The following HK1 variants were observed in gnomAD, a reference collection of about 807,000 sequenced individuals.
HK1 encodes the protein hexokinase-1.
A neutral mutation model predicts 91.6 loss-of-function variants in HK1; 28 were observed. The observed-to-expected ratio is 0.31, with a 90% CI of 0.23 to 0.42. The LOEUF (loss-of-function observed/expected upper bound fraction) is 0.42. HK1 is among the 10% of genes least tolerant of loss of function. HK1 has a pLI of 1.00. For missense variants in HK1, 770 were observed against 1,219.8 expected, an observed-to-expected ratio of 0.63 and a Z score of 5.49; for synonymous variants, 430 against 468.1, an observed-to-expected ratio of 0.92 and a Z score of 1.05.
intron 8 of HK1, among the ~76,000 whole-genome samples, chr10:69,378,513 A>G (rs10823355): frequency 6.6e-6 from 1 of 152,152 alleles, no homozygotes; most frequent in East Asian, 1.9e-4. Context: ...TGAAACTGTC[A>G]TTATTTGCAA....
chr10:69,320,061 T>G (rs1199411654), intron 1 of HK1, among the ~76,000 whole-genome samples: 1 of 152,194 alleles, frequency 6.6e-6, no homozygotes, highest in African/African-American at 2.4e-5. Flanking sequence ...CTTGATTTTC[T>G]GCCCGGCAAG....
In HK1 at chr10:69,298,612, T is replaced by C. The variant is rs1021895481; in HGVS notation, c.-66-2157T>C. Among the ~76,000 whole-genome samples, 4 of 145,948 alleles carry C rather than the reference T, an allele frequency of 2.7e-5. 1 individual carries two copies. Among genetic ancestry groups the C allele is most frequent in the African/African-American group, 1.0e-4 (4 of 38,510 alleles). The stretch of plus-strand genomic sequence containing the variant: ...CCCTGCACCCCAGCGTGGGTGACAG[T>C]GAGACCCTGTCTCTTAAAAGGAAAA... On this transcript the variant is annotated intron_variant, in intron 4 of 21. Transcript: ENST00000360289.
chr10:69,295,384 C>T (rs1459171085), intron 3 of HK1, among the ~76,000 whole-genome samples: 1 of 152,230 alleles, frequency 6.6e-6, no homozygotes, highest in South Asian at 2.1e-4. Flanking sequence ...GCTTCCAACA[C>T]AGTGCCTGGT....
At chr10:69,274,268 C>T (rs1191817939) in intron 1 of HK1, among the ~76,000 whole-genome samples, 2 of 151,868 alleles carry the variant, frequency 1.3e-5, no homozygotes, top group Non-Finnish European at 2.9e-5. Context: ...ACATAGATCT[C>T]ATCTGTATTT....
chr10:69,347,541 T>C (rs1347366962), intron 2 of HK1, among the ~76,000 whole-genome samples: 1 of 151,844 alleles, frequency 6.6e-6, no homozygotes, highest in Non-Finnish European at 1.5e-5. Context: ...GTTCAAGCAA[T>C]TCTCCGGCTT....
intron 3 of HK1, among the ~76,000 whole-genome samples, chr10:69,362,321 T>TCC (rs2132774679): frequency 6.6e-6 from 1 of 152,192 alleles, no homozygotes; most frequent in East Asian, 1.9e-4. Context: ...CAAGCGATCC[T>TCC]CCCACTTTAG....
In HK1 at chr10:69,376,851, C is replaced by T. The variant is rs1429462324; in HGVS notation, c.876-83C>T. On this transcript the variant is annotated intron_variant, in intron 7 of 17. Transcript: ENST00000359426. The stretch of plus-strand genomic sequence containing the variant: ...GCTGGTGAGGGGTGAGTCGGGGCTT[C>T]CCATTCCTTTTATGTCTGTCCCAGC... The T allele has an allele frequency of 1.9e-6, 3 of 1,555,710 alleles. No homozygotes were observed. In the African/African-American group the frequency reaches 4.1e-5, roughly 21 times the overall value.
At chr10:69,280,038 A>G (rs1844658671) in intron 1 of HK1, among the ~76,000 whole-genome samples, 1 of 152,234 alleles carries the variant, frequency 6.6e-6, no homozygotes, top group South Asian at 2.1e-4. Context: ...TTGACCTGCG[A>G]GAATCTAGAG....
intron 14 of HK1, 182 bp downstream of exon 14, chr10:69,389,478 G>T: frequency 6.6e-6 from 4 of 601,658 alleles, no homozygotes; most frequent in South Asian, 1.6e-5. Flanking sequence ...GCGGGGGGAG[G>T]TGGGGGGGCC....
intron 5 of HK1, among the ~76,000 whole-genome samples, chr10:69,303,426 A>G (rs554563046): frequency 1.3e-4 from 19 of 149,624 alleles, no homozygotes; most frequent in Middle Eastern, 7.4e-3. Context: ...AGAAAGAGTA[A>G]CTCATGCAGA....
chr10:69,294,861 CAATA>C (rs777530931), intron 3 of HK1, among the ~76,000 whole-genome samples: 18 of 150,938 alleles, frequency 1.2e-4, no homozygotes, highest in Non-Finnish European at 2.2e-4. Flanking sequence ...GACTCCATCT[CAATA>C]AATAAATAAA....
Position 69,336,312 on chromosome 10 carries a change from C to G in HK1, c.64-7515C>G, listed in dbSNP as rs113432393. Among the ~76,000 whole-genome samples, 83 of 150,386 alleles carry G rather than the reference C, an allele frequency of 5.5e-4. 1 individual carries two copies. The highest frequency in any genetic ancestry group is 2.0e-3 in the African/African-American group (80 of 40,984). ...GTTCAAGTGATTCTTCTGCCTCACC[C>G]TCCCAAGTAGCTGGGATTACAGGCA... On this transcript the variant is annotated intron_variant, in intron 1 of 17. Coordinates refer to ENST00000359426, the MANE Select transcript of HK1 (RefSeq NM_000188.3).
rs767066673 is a variant in HK1, at chr10:69,395,031, C to T, written c.2301C>T (p.Leu767=). The T allele has an allele frequency of 8.3e-5, 134 of 1,613,984 alleles. 2 individuals are homozygous for T. The highest frequency in any genetic ancestry group is 4.2e-4 in the South Asian group (38 of 91,078). The change falls in exon 16 of 18, where the codon CTC becomes CTT. Residue 767 remains leucine (L), a synonymous_variant. Coordinates refer to ENST00000359426, the MANE Select transcript of HK1 (RefSeq NM_000188.3). ...ILIDFTKKGF[L]FRGQISETLK... ...TCGACTTCACCAAGAAGGGATTCCT[C>T]TTCCGAGGGCAGATCTCTGAGACGC... is the stretch of plus-strand genomic sequence containing the variant.
At chr10:69,305,546 C>G (rs541079784) in intron 5 of HK1, among the ~76,000 whole-genome samples, 3 of 151,664 alleles carry the variant, frequency 2.0e-5, no homozygotes, top group Middle Eastern at 6.8e-3. Flanking sequence ...AACTGAGGTA[C>G]CAGTTAAAAA....
intron 5 of HK1, among the ~76,000 whole-genome samples, chr10:69,309,484 CTT>C (rs557691466): frequency 3.6e-4 from 36 of 100,178 alleles, no homozygotes; most frequent in African/African-American, 1.4e-3. Context: ...CCTGGCATGA[CTT>C]TGTCTCATTA....
In HK1 at chr10:69,382,547, C is replaced by T; in HGVS notation, c.1326C>T (p.Phe442=). The change falls in exon 10 of 18, where the codon TTC becomes TTT. Residue 442 remains phenylalanine, a synonymous_variant. Transcript: ENST00000359426. ...RRLVPDSDVR[F]LLSESGSGKG... is the part of the protein sequence containing the mutation. ...TGGTGCCAGACTCCGATGTGCGCTT[C>T]CTCCTCTCGGAGAGTGGCAGCGGCA... The T allele has an allele frequency of 1.2e-6, 2 of 1,614,240 alleles. No homozygotes were observed. The highest frequency in any genetic ancestry group is 4.5e-5 in the East Asian group (2 of 44,878).
In HK1 at chr10:69,309,576, C is replaced by T. The variant is rs188107429; in HGVS notation, c.27+8715C>T. On this transcript the variant is annotated intron_variant, in intron 5 of 21. Transcript: ENST00000360289. The stretch of plus-strand genomic sequence containing the variant: ...CAGCGCTTTGGGAGGCTGAGGTGGG[C>T]GGATCATGAGGTCAGGAAATTGAGA... 7.9e-3 allele frequency among the ~76,000 whole-genome samples: 1,024 copies of T among 130,114 alleles called. 19 individuals carry two copies. The highest frequency in any genetic ancestry group is 0.028 in the African/African-American group (946 of 33,492). 85.4% of individuals were successfully genotyped at this position (130,114 alleles called of 152,430 possible).
At chr10:69,310,832 G>A (rs549918054), upstream of HK1, among the ~76,000 whole-genome samples, 2 of 152,046 alleles carry the variant, frequency 1.3e-5, no homozygotes, top group East Asian at 1.9e-4. Context: ...TGTGGCAGGC[G>A]GATCACCTGA....
chr10:69,303,540 C>T (rs900226706), intron 5 of HK1, among the ~76,000 whole-genome samples: 11 of 152,218 alleles, frequency 7.2e-5, no homozygotes, highest in South Asian at 4.1e-4. Flanking sequence ...CAGCAGTGAC[C>T]GGCCTGTAGA....
Sources: allele counts gnomAD v4.1 joint callset (sites outside exome capture counted in the v4.1 genomes callset), GRCh38; gene constraint gnomAD v4.1.1; transcripts MANE v1.5; gene names NCBI Gene and HGNC (gene_info 2026-07-23, HGNC 2026-07-21).